SPECC1: variants seen among roughly 807,000 people sequenced by gnomAD.
SPECC1 encodes the protein sperm antigen with calponin homology and coiled-coil domains 1.
Under a neutral mutation model 104.1 loss-of-function variants are expected in SPECC1, and 62 were observed. The observed-to-expected ratio is 0.60, with a 90% CI of 0.49 to 0.74. SPECC1 has a LOEUF of 0.74. Ranked by LOEUF, SPECC1 falls within the 30% of genes least tolerant of loss-of-function variation. The pLI is 0.00. For synonymous variants in SPECC1, 513 were observed against 501.6 expected (o/e 1.02, Z -0.30); for missense variants, 1,306 against 1,310.5 (o/e 1.00, Z 0.05).
intron 3 of SPECC1, among the ~76,000 whole-genome samples, chr17:20,156,880 A>T (rs115804658): frequency 6.6e-6 from 1 of 151,896 alleles, no homozygotes. Flanking sequence ...ACAAAACGAA[A>T]CATTTCTGGA....
At chr17:20,063,052 T>C (rs951394485) in intron 1 of SPECC1, among the ~76,000 whole-genome samples, 1 of 152,206 alleles carries the variant, frequency 6.6e-6, no homozygotes, top group African/African-American at 2.4e-5. Flanking sequence ...TCACTCCTTA[T>C]AATTCCCATC....
chr17:20,269,846 G>C (rs2040340261), intron 12 of SPECC1, among the ~76,000 whole-genome samples: 2 of 152,168 alleles, frequency 1.3e-5, no homozygotes, highest in Non-Finnish European at 2.9e-5. Context: ...TAATAAATCT[G>C]TGAATAGCCG....
At chr17:20,262,991 G>GA (rs925010901) in intron 12 of SPECC1, among the ~76,000 whole-genome samples, 2 of 151,798 alleles carry the variant, frequency 1.3e-5, no homozygotes, top group Non-Finnish European at 2.9e-5. Flanking sequence ...GTGTGGGTCA[G>GA]AAAAAAGAAA....
At chr17:20,036,900 G>A (rs2045109981) in intron 1 of SPECC1, among the ~76,000 whole-genome samples, 1 of 152,186 alleles carries the variant, frequency 6.6e-6, no homozygotes, top group Non-Finnish European at 1.5e-5. Flanking sequence ...GTAGGGGAAA[G>A]CATTTAGTTT....
chr17:20,084,878 TG>T (rs2047116384), intron 1 of SPECC1, among the ~76,000 whole-genome samples: 1 of 145,210 alleles, frequency 6.9e-6, no homozygotes, highest in Non-Finnish European at 1.5e-5. Context: ...GCAAGGGAGG[TG>T]GGGGTGGGAG....
chr17:20,109,960 G>A (rs539971922), intron 2 of SPECC1, among the ~76,000 whole-genome samples: 12 of 152,236 alleles, frequency 7.9e-5, no homozygotes, highest in African/African-American at 2.9e-4. Flanking sequence ...CTGGGCTCAA[G>A]CAATCCTCTC....
At chr17:20,253,628 G>A (rs765855543) in intron 10 of SPECC1, 42 bp downstream of exon 10, 21 of 1,579,842 alleles carry the variant, frequency 1.3e-5, no homozygotes, top group African/African-American at 9.4e-5. Flanking sequence ...TTATCTTTCC[G>A]TGCAGTTAAC....
At chr17:20,057,489 GT>G (rs1201167828) in intron 1 of SPECC1, among the ~76,000 whole-genome samples, 2 of 152,136 alleles carry the variant, frequency 1.3e-5, no homozygotes, top group Non-Finnish European at 2.9e-5. Context: ...AAGGTTAAGT[GT>G]TTTTTGTTTG....
chr17:20,119,648 A>G (rs2048930635), intron 3 of SPECC1, among the ~76,000 whole-genome samples: 1 of 152,264 alleles, frequency 6.6e-6, no homozygotes, highest in African/African-American at 2.4e-5. Context: ...GAATAGGTGA[A>G]TACCAGTCTA....
intron 3 of SPECC1, among the ~76,000 whole-genome samples, chr17:20,162,024 A>G (rs191050976): frequency 1.3e-3 from 203 of 151,944 alleles, no homozygotes; most frequent in African/African-American, 4.3e-3. Flanking sequence ...CCAATTCCTG[A>G]CCTCAGGTGA....
At chr17:20,235,204 G>A (rs566264079) in intron 7 of SPECC1, among the ~76,000 whole-genome samples, 2 of 152,304 alleles carry the variant, frequency 1.3e-5, no homozygotes, top group African/African-American at 4.8e-5. Flanking sequence ...AGTTATTCTG[G>A]TGCAATGCCT....
chr17:20,122,299 A>G (rs189501486), intron 3 of SPECC1, among the ~76,000 whole-genome samples: 63 of 152,258 alleles, frequency 4.1e-4, no homozygotes, highest in Admixed American at 3.6e-3. Context: ...TTTTAAAAGG[A>G]CTGCTTTGGG....
intron 3 of SPECC1, among the ~76,000 whole-genome samples, chr17:20,123,348 G>C (rs189447529): frequency 6.6e-6 from 1 of 152,348 alleles, no homozygotes; most frequent in Non-Finnish European, 1.5e-5. Context: ...TCTGATGCTT[G>C]CAGAATCTCA....
chr17:20,277,728 A>G (rs1269523905), intron 12 of SPECC1, among the ~76,000 whole-genome samples: 1 of 152,206 alleles, frequency 6.6e-6, no homozygotes, highest in African/African-American at 2.4e-5. Flanking sequence ...AACACGGGGT[A>G]GGGGACTCCA....
At position 20,131,639 on chromosome 17, in the gene SPECC1, C is replaced by CTT. The variant is rs541723505; in HGVS notation, c.283+21095_283+21096dup. ...TACGTGGAAAGCATTCAGTCTTCTTCTTTTTTTTTTTTTTTTTTTGCTTTT... is the reference window on the plus strand; with the variant it reads ...TACGTGGAAAGCATTCAGTCTTCTTCTTTTTTTTTTTTTTTTTTTTTGCTTTT... On this transcript the variant is annotated intron_variant, in intron 3 of 14. Coordinates refer to ENST00000395527, the MANE Select transcript of SPECC1 (RefSeq NM_001243439.2). Among the ~76,000 whole-genome samples the CTT allele has an allele frequency of 1.0e-3, 120 of 117,994 alleles. 1 individual carries two copies. Among genetic ancestry groups the CTT allele is most frequent in the African/African-American group, 3.1e-3 (101 of 32,168 alleles). The allele number at this position is 117,994 out of a possible 152,430, so 77.4% of individuals were successfully genotyped here.
intron 3 of SPECC1, among the ~76,000 whole-genome samples, chr17:20,203,873 T>G (rs1340383140): frequency 6.6e-6 from 1 of 152,208 alleles, no homozygotes; most frequent in Non-Finnish European, 1.5e-5. Flanking sequence ...TTGATTTGAT[T>G]TAGCAACTTA....
At chr17:20,312,763 C>T (rs1333571382) in intron 14 of SPECC1, among the ~76,000 whole-genome samples, 1 of 152,170 alleles carries the variant, frequency 6.6e-6, no homozygotes, top group Non-Finnish European at 1.5e-5. Context: ...TGTACCTGCA[C>T]GGAATGTTCT....
intron 10 of SPECC1, among the ~76,000 whole-genome samples, chr17:20,254,743 C>T (rs933661002): frequency 6.7e-6 from 1 of 149,866 alleles, no homozygotes; most frequent in Non-Finnish European, 1.5e-5. Context: ...GTCTGGGTCA[C>T]ATGGACAGAA....
At chr17:20,220,272 AT>A (rs1287684909) in intron 4 of SPECC1, among the ~76,000 whole-genome samples, 1 of 151,976 alleles carries the variant, frequency 6.6e-6, no homozygotes, top group Non-Finnish European at 1.5e-5. Context: ...TAGTGTGGAC[AT>A]TTTAACATAT....
Sources: allele counts gnomAD v4.1 joint callset (sites outside exome capture counted in the v4.1 genomes callset), GRCh38; gene constraint gnomAD v4.1.1; transcripts MANE v1.5; gene names NCBI Gene and HGNC (gene_info 2026-07-23, HGNC 2026-07-21).